Variants in SPATA7 observed in about 807,000 individuals in gnomAD.
SPATA7 encodes spermatogenesis-associated protein 7.
SPATA7 carries 43 observed loss-of-function variants against 51.8 expected under a neutral mutation model. The observed-to-expected ratio is 0.83, with a 90% CI of 0.65 to 1.07. The LOEUF is 1.07. Among genes scored for constraint, SPATA7 ranks in the 50% least tolerant of loss-of-function variants. SPATA7 has a pLI of 0.00. For missense variants in SPATA7, 683 were observed against 701.3 expected (o/e 0.97, Z 0.30); for synonymous variants, 230 against 252.8 (o/e 0.91, Z 0.86).
intron 4 of SPATA7, among the ~76,000 whole-genome samples, chr14:88,410,976 A>G (rs1595224687): frequency 6.6e-6 from 1 of 152,248 alleles, no homozygotes; most frequent in South Asian, 2.1e-4. Flanking sequence ...AGCTGTGCCC[A>G]CAGCCACCCC....
At chr14:88,446,411 T>C (rs1388392271) in intron 3 of SPATA7, among the ~76,000 whole-genome samples, 2 of 152,348 alleles carry the variant, frequency 1.3e-5, no homozygotes, top group South Asian at 2.1e-4. Context: ...TCTATCAATT[T>C]TGTTGATCCT....
chr14:88,395,558 C>A (rs530372524), intron 3 of SPATA7, among the ~76,000 whole-genome samples: 1 of 151,920 alleles, frequency 6.6e-6, no homozygotes, highest in African/African-American at 2.4e-5. Flanking sequence ...TTTAAATTTG[C>A]GATCCATTTT....
chr14:88,416,953 A>G lies in SPATA7; in HGVS notation c.372+109A>G, dbSNP rs967537246. 7 of 890,160 alleles carry G rather than the reference A, an allele frequency of 7.9e-6. No homozygotes were observed. In the East Asian group the frequency reaches 1.6e-4, roughly 20 times the overall value. 55.1% of individuals were successfully genotyped at this position (890,160 alleles called of 1,614,324 possible). A position where few individuals can be genotyped will look rare whatever the true frequency, so the allele number is the denominator to read the frequency against. ...TTAGGGTCAGCAAATTTTTCCTGTA[A>G]AGATCCAGATAGTTAATATTTTAAA... On this transcript the variant is annotated intron_variant, in intron 5 of 11. Coordinates refer to ENST00000393545, the MANE Select transcript of SPATA7 (RefSeq NM_018418.5).
At chr14:88,435,703 C>T (rs146405738) in intron 10 of SPATA7, among the ~76,000 whole-genome samples, 20 of 152,248 alleles carry the variant, frequency 1.3e-4, no homozygotes, top group African/African-American at 4.6e-4. Context: ...GTGCCAGGCT[C>T]ATTTCACTTA....
At chr14:88,429,222 T>C in intron 7 of SPATA7, 126 bp from the exon 8 acceptor site, 1 of 618,738 alleles carries the variant, frequency 1.6e-6, no homozygotes, top group South Asian at 1.8e-5. Context: ...AAATATTCTT[T>C]GTCGTACTGT....
At chr14:88,468,978 C>A (rs1469962347) in intron 4 of SPATA7, 2 of 1,614,162 alleles carry the variant, frequency 1.2e-6, no homozygotes, top group African/African-American at 2.7e-5. Context: ...GTCCTTCCTA[C>A]CCCAGCACTG....
chr14:88,392,390 A>T (rs988915163), intron 2 of SPATA7, among the ~76,000 whole-genome samples: 2 of 152,168 alleles, frequency 1.3e-5, no homozygotes, highest in African/African-American at 4.8e-5. Flanking sequence ...CAGCAGTGTA[A>T]CCTTGAAGAT....
At chr14:88,429,303 T>C in intron 7 of SPATA7, 45 bp from the exon 8 acceptor site, 1 of 1,128,952 alleles carries the variant, frequency 8.9e-7, no homozygotes, top group South Asian at 1.2e-5. Context: ...GCTTTCGTAA[T>C]GTATTTTTAA....
chr14:88,450,536 A>G (rs546173718), intron 3 of SPATA7, among the ~76,000 whole-genome samples: 2 of 152,146 alleles, frequency 1.3e-5, no homozygotes, highest in Admixed American at 1.3e-4. Flanking sequence ...AGAAGACTGT[A>G]TCTTTCCTTC....
At chr14:88,441,847 A>G (rs945932416), downstream of SPATA7, among the ~76,000 whole-genome samples, 1 of 152,174 alleles carries the variant, frequency 6.6e-6, no homozygotes, top group Non-Finnish European at 1.5e-5. Context: ...TAGTTTACCT[A>G]AGTATCATCT....
At chr14:88,397,233 C>T (rs915938828) in intron 4 of SPATA7, among the ~76,000 whole-genome samples, 1 of 152,194 alleles carries the variant, frequency 6.6e-6, no homozygotes, top group Non-Finnish European at 1.5e-5. Flanking sequence ...TCCATTATGA[C>T]TAATGATGCT....
intron 3 of SPATA7, among the ~76,000 whole-genome samples, chr14:88,446,692 C>G (rs1291302922): frequency 6.6e-6 from 1 of 152,050 alleles, no homozygotes; most frequent in Non-Finnish European, 1.5e-5. Flanking sequence ...TGTCTTTGTT[C>G]TCGTTGGTTT....
intron 4 of SPATA7, chr14:88,468,066 A>G (rs754635015): frequency 6.5e-7 from 1 of 1,549,206 alleles, no homozygotes; most frequent in South Asian, 1.1e-5. Flanking sequence ...GGAAAGTATG[A>G]GTTAGGCAAG....
intron 3 of SPATA7, among the ~76,000 whole-genome samples, chr14:88,444,481 T>G (rs1283284747): frequency 1.3e-5 from 2 of 151,366 alleles, no homozygotes; most frequent in African/African-American, 4.9e-5. Flanking sequence ...AGAAGCTCTT[T>G]AGTTTAATTA....
downstream of SPATA7, among the ~76,000 whole-genome samples, chr14:88,442,717 C>G (rs1300180501): frequency 2.6e-5 from 4 of 152,020 alleles, no homozygotes; most frequent in African/African-American, 9.7e-5. Flanking sequence ...ATTTTTGCAT[C>G]TGTGTTCATC....
chr14:88,406,419 G>T (rs1047564644), intron 4 of SPATA7, among the ~76,000 whole-genome samples: 1 of 149,380 alleles, frequency 6.7e-6, no homozygotes, highest in African/African-American at 2.5e-5. Flanking sequence ...CTAGCCCCAG[G>T]CAACCACTAA....
At position 88,469,162 on chromosome 14, in the gene SPATA7, T is replaced by TTAA; in HGVS notation, c.255-684_255-682dup. On this transcript the variant is annotated intron_variant, in intron 4 of 4. Coordinates refer to the SPATA7 transcript ENST00000556406. This position sits in a 1 kb window ranked among gnomAD's most constrained non-coding sequence, Gnocchi z 4.3. The stretch of plus-strand genomic sequence containing the variant: ...TCAATCTTCATATTCTCTCCACTGA[T>TTAA]TAAGAGGACTGCAGATAAAGAGCAC... 7.2e-7 allele frequency: 1 copy of TTAA among 1,396,248 alleles called. No homozygotes were observed. The highest frequency in any genetic ancestry group is 2.2e-5 in the Admixed American group (1 of 44,820). 86.5% of individuals were successfully genotyped at this position (1,396,248 alleles called of 1,614,324 possible).
At chr14:88,446,969 G>C (rs1272908026) in intron 3 of SPATA7, among the ~76,000 whole-genome samples, 1 of 152,268 alleles carries the variant, frequency 6.6e-6, no homozygotes, top group Non-Finnish European at 1.5e-5. Flanking sequence ...TGTTGATTTG[G>C]GGTGAAGAGT....
chr14:88,405,056 A>G (rs1010343027), intron 4 of SPATA7, among the ~76,000 whole-genome samples: 6 of 152,230 alleles, frequency 3.9e-5, no homozygotes, highest in Non-Finnish European at 8.8e-5. Context: ...TGATAAGGTG[A>G]CAATTGAGCA....
Sources: gnomAD v4.1 joint callset for allele counts (sites outside exome capture counted in the v4.1 genomes callset) on GRCh38, gnomAD v4.1.1 for gene constraint, Gnocchi (gnomAD v3.1) non-coding constraint, MANE v1.5 for transcripts, NCBI Gene and HGNC (gene_info 2026-07-23, HGNC 2026-07-21) for gene names.